ARHGAP24: variants seen among roughly 807,000 people sequenced by gnomAD.
ARHGAP24 encodes Rho GTPase activating protein 24, also known as rho GTPase-activating protein 24.
Under a neutral mutation model 76.4 loss-of-function variants are expected in ARHGAP24, and 50 were observed. The observed-to-expected ratio is 0.65, with a 90% confidence interval of 0.52 to 0.83. The LOEUF (loss-of-function observed/expected upper bound fraction) is 0.83, where lower values mean the gene tolerates loss of function less well. Among genes scored for constraint, ARHGAP24 ranks in the 40% least tolerant of loss-of-function variants. ARHGAP24 has a pLI of 0.00. For missense variants in ARHGAP24, 930 were observed against 914.2 expected (o/e 1.02, Z -0.22); for synonymous variants, 345 against 323.3 (o/e 1.07, Z -0.72).
intron 8 of ARHGAP24, among the ~76,000 whole-genome samples, chr4:85,984,354 C>A (rs1195700349): frequency 6.6e-6 from 1 of 152,174 alleles, no homozygotes. Context: ...AGTCCAAGAT[C>A]AAGGCACCAG....
chr4:85,570,590 C>T lies in ARHGAP24; in HGVS notation c.49C>T (p.Arg17Trp), dbSNP rs533903357. 54 of 1,614,034 alleles carry T rather than the reference C, an allele frequency of 3.3e-5. No individual in the cohort carries two copies. The highest frequency in any genetic ancestry group is 2.7e-4 in the East Asian group (12 of 44,878). ...GGAGAACCCCCAACAAGGCCAAGGG[C>T]GGCAGAATGCCATCAAGTGTGGGTG... Reference protein sequence around the residue: ...STENPQQGQGRQNAIKCGWLR... With the variant: ...STENPQQGQGWQNAIKCGWLR... The change falls in exon 2 of 10, where the codon CGG becomes TGG. Residue 17 changes from arginine (R) to tryptophan (W), a missense_variant. By Grantham distance (101) the Arg-to-Trp change is moderately radical. Transcript: ENST00000395184.
Position 85,881,363 on chromosome 4 carries a change from T to A in ARHGAP24, c.269-42285T>A, listed in dbSNP as rs945632574. 1.8e-4 allele frequency among the ~76,000 whole-genome samples: 27 copies of A among 152,238 alleles called. 1 individual carries two copies. The highest frequency in any genetic ancestry group is 4.4e-5 in the Non-Finnish European group (3 of 68,048). On this transcript the variant is annotated intron_variant, in intron 3 of 9. Transcript: ENST00000395184. Reference sequence around the variant, plus strand: ...GGATAAAAGGGGACTACTGTATGTGTGTAATTTATTTTATATTCATTAACG... The same window carrying A: ...GGATAAAAGGGGACTACTGTATGTGAGTAATTTATTTTATATTCATTAACG...
chr4:85,804,384 T>C (rs974699720), intron 3 of ARHGAP24, among the ~76,000 whole-genome samples: 16 of 152,188 alleles, frequency 1.1e-4, no homozygotes, highest in Non-Finnish European at 7.3e-5. Context: ...AATAAACTTA[T>C]ACTAAAATAT....
chr4:85,490,205 TGCTGAATTAC>T (rs1486175580), intron 1 of ARHGAP24, among the ~76,000 whole-genome samples: 1 of 152,176 alleles, frequency 6.6e-6, no homozygotes, highest in Admixed American at 6.5e-5. Context: ...GCCTGAGATA[TGCTGAATTAC>T]AGTTGGTGAT....
chr4:85,652,768 G>C (rs912512451), intron 2 of ARHGAP24, among the ~76,000 whole-genome samples: 2 of 152,140 alleles, frequency 1.3e-5, no homozygotes, highest in African/African-American at 4.8e-5. Context: ...GGTGGTATGT[G>C]GTGTGCTTCC....
chr4:85,616,854 C>CT (rs1416335976), intron 2 of ARHGAP24, among the ~76,000 whole-genome samples: 2 of 152,014 alleles, frequency 1.3e-5, no homozygotes, highest in African/African-American at 4.8e-5. Flanking sequence ...TCTTGAACTC[C>CT]TGACCTTGGA....
At chr4:85,666,388 C>T (rs1208240751) in intron 2 of ARHGAP24, among the ~76,000 whole-genome samples, 1 of 152,174 alleles carries the variant, frequency 6.6e-6, no homozygotes, top group African/African-American at 2.4e-5. Flanking sequence ...TCTAGTTATA[C>T]ATTTGTCTAA....
intron 3 of ARHGAP24, among the ~76,000 whole-genome samples, chr4:85,807,010 C>T (rs1220819048): frequency 6.6e-6 from 1 of 152,114 alleles, no homozygotes; most frequent in Non-Finnish European, 1.5e-5. Flanking sequence ...CACCCAATGC[C>T]ACAAAGATAT....
intron 1 of ARHGAP24, among the ~76,000 whole-genome samples, chr4:85,529,220 C>T (rs751171563): frequency 1.1e-4 from 16 of 151,958 alleles, no homozygotes; most frequent in South Asian, 2.1e-4. Flanking sequence ...CTATTCTAGG[C>T]TCACCAGTCA....
chr4:85,730,592 A>G (rs928477555), intron 3 of ARHGAP24, among the ~76,000 whole-genome samples: 1 of 151,934 alleles, frequency 6.6e-6, no homozygotes, highest in African/African-American at 2.4e-5. Flanking sequence ...TTGTTTTTGT[A>G]GAGATGAGGT....
intron 2 of ARHGAP24, among the ~76,000 whole-genome samples, chr4:85,625,203 G>A (rs957213704): frequency 2.0e-5 from 3 of 152,048 alleles, no homozygotes; most frequent in African/African-American, 7.2e-5. Flanking sequence ...TCTCTTGTGG[G>A]CATTTAGTGC....
chr4:85,708,133 C>T (rs1485882359), intron 2 of ARHGAP24, among the ~76,000 whole-genome samples: 8 of 151,926 alleles, frequency 5.3e-5, no homozygotes, highest in African/African-American at 9.7e-5. Flanking sequence ...GTTCAGGCCT[C>T]GTTTATTCTT....
intron 2 of ARHGAP24, among the ~76,000 whole-genome samples, chr4:85,655,790 T>G (rs76154869): frequency 0.27 from 12,695 of 47,338 alleles, 1,765 homozygotes; most frequent in Non-Finnish European, 0.29. Flanking sequence ...TATATATATA[T>G]ATAGAGAGAG....
intron 7 of ARHGAP24, among the ~76,000 whole-genome samples, chr4:85,975,214 G>T (rs921973182): frequency 6.6e-6 from 1 of 152,164 alleles, no homozygotes; most frequent in African/African-American, 2.4e-5. Context: ...CTTCAATCAA[G>T]TTTTTTGTAC....
intron 3 of ARHGAP24, among the ~76,000 whole-genome samples, chr4:85,845,680 TG>T (rs1730845248): frequency 1.3e-5 from 2 of 152,162 alleles, no homozygotes; most frequent in Non-Finnish European, 2.9e-5. Context: ...AACACAACTG[TG>T]TAAGTGAAGT....
Position 85,715,355 on chromosome 4 carries a change from T to A in ARHGAP24, c.181-6530T>A, listed in dbSNP as rs141239434. 5.2e-3 allele frequency among the ~76,000 whole-genome samples: 799 copies of A among 152,202 alleles called. 6 individuals are homozygous for A. The highest frequency in any genetic ancestry group is 0.018 in the African/African-American group (756 of 41,552). ...ACAATCATTTCATTATTTGGGGATT[T>A]GCAAAATATGGGCCCAAAATAGCTT... is the stretch of plus-strand genomic sequence containing the variant. On this transcript the variant is annotated intron_variant, in intron 2 of 9. Transcript: ENST00000395184.
At chr4:85,874,490 AG>A (rs1039175207) in intron 3 of ARHGAP24, among the ~76,000 whole-genome samples, 29 of 152,174 alleles carry the variant, frequency 1.9e-4, no homozygotes, top group Middle Eastern at 3.4e-3. Context: ...ATAGATTTTC[AG>A]GTTCATTCTT....
intron 3 of ARHGAP24, among the ~76,000 whole-genome samples, chr4:85,913,178 G>C (rs1415486424): frequency 6.6e-6 from 1 of 151,938 alleles, no homozygotes; most frequent in Admixed American, 6.6e-5. Context: ...ACATTAAAAT[G>C]CCTGAAAGAT....
chr4:85,612,998 A>G (rs1321004084), intron 2 of ARHGAP24, among the ~76,000 whole-genome samples: 3 of 151,716 alleles, frequency 2.0e-5, no homozygotes, highest in Admixed American at 2.0e-4. Context: ...GGGTTTCGCC[A>G]TGTTGCCCAG....
Sources: gnomAD v4.1 joint callset for allele counts (sites outside exome capture counted in the v4.1 genomes callset) on GRCh38, gnomAD v4.1.1 for gene constraint, MANE v1.5 for transcripts, NCBI Gene and HGNC (gene_info 2026-07-23, HGNC 2026-07-21) for gene names.